MMP24: variants seen among roughly 807,000 people sequenced by gnomAD.
MMP24 encodes the protein matrix metalloproteinase-24.
A neutral mutation model predicts 62.8 loss-of-function variants in MMP24; 25 were observed. That is an observed-to-expected ratio of 0.40 (90% CI 0.29 to 0.56). The LOEUF (loss-of-function observed/expected upper bound fraction) is 0.56, where lower values mean the gene tolerates loss of function less well. Ranked by LOEUF, MMP24 falls within the 20% of genes least tolerant of loss-of-function variation. MMP24 has a pLI of 0.50. For synonymous variants in MMP24, 319 were observed against 350.5 expected, an observed-to-expected ratio of 0.91 and a Z score of 1.00; for missense variants, 634 against 853.6, an observed-to-expected ratio of 0.74 and a Z score of 3.21.
Position 35,274,626 on chromosome 20 carries a change from T to A in MMP24, c.*17T>A. ...TGGGTGTGAGCAGCCCAGAGCCCTC[T>A]CTATCCACTTGGTCTGGCCAGCCAG... On this transcript the variant is annotated 3_prime_UTR_variant, in exon 9 of 9. Coordinates refer to ENST00000246186, the MANE Select transcript of MMP24 (RefSeq NM_006690.4). This position sits in a 1 kb window ranked among gnomAD's most constrained non-coding sequence, Gnocchi z 5.1. 6.4e-7 allele frequency: 1 copy of A among 1,572,940 alleles called. No homozygotes were observed. Among genetic ancestry groups the A allele is most frequent in the South Asian group, 1.2e-5 (1 of 85,870 alleles).
chr20:35,239,788 G>A (rs892520426), intron 1 of MMP24, among the ~76,000 whole-genome samples: 1 of 152,074 alleles, frequency 6.6e-6, no homozygotes, highest in Admixed American at 6.5e-5. Flanking sequence ...GGCTGAGAGC[G>A]AGACCCTGTC....
At chr20:35,239,328 C>G (rs750042990) in intron 1 of MMP24, among the ~76,000 whole-genome samples, 1 of 152,118 alleles carries the variant, frequency 6.6e-6, no homozygotes, top group Non-Finnish European at 1.5e-5. Flanking sequence ...TGAGCCACCA[C>G]GCCTGGCTGT....
At chr20:35,251,069 G>A (rs2146215390) in intron 2 of MMP24, among the ~76,000 whole-genome samples, 1 of 150,990 alleles carries the variant, frequency 6.6e-6, no homozygotes, top group Non-Finnish European at 1.5e-5. Context: ...AATATAATAA[G>A]TGCTGCAGAG....
chr20:35,254,692 T>C lies in MMP24; in HGVS notation c.755T>C (p.Ile252Thr), dbSNP rs748273259. 6.2e-7 allele frequency: 1 copy of C among 1,614,070 alleles called. No homozygotes were observed. Among genetic ancestry groups the C allele is most frequent in the Non-Finnish European group, 8.5e-7 (1 of 1,180,018 alleles). ...LAHAYFPGPG[I>T]GGDTHFDSDE... ...CATGCCTACTTCCCTGGCCCAGGGA[T>C]TGGAGGAGACACCCACTTTGACTCC... is the stretch of plus-strand genomic sequence containing the variant. Residue 252 changes from isoleucine to threonine, a missense_variant, in exon 4 of 9, where the codon ATT (isoleucine) becomes ACT (threonine). By Grantham distance (89) the Ile-to-Thr change is moderately conservative. Around this residue, in one of 3 missense-constraint regions of MMP24, gnomAD observed 23 missense variants for 63.1 expected, o/e 0.36. Transcript: ENST00000246186.
In MMP24 at chr20:35,271,957, A is replaced by C; in HGVS notation, c.1600+122A>C. ...TTTGAAAAAACACCTGGTGGCAGAC[A>C]ACTGCCTCATATCTACCCATGTTCA... On this transcript the variant is annotated intron_variant, in intron 8 of 8. Coordinates refer to ENST00000246186, the MANE Select transcript of MMP24 (RefSeq NM_006690.4). The surrounding 1 kb of genome is among the most constrained non-coding windows in gnomAD (Gnocchi z 4.0). The C allele has an allele frequency of 3.6e-6, 4 of 1,105,780 alleles. No individual in the cohort carries two copies. Among genetic ancestry groups the C allele is most frequent in the Non-Finnish European group, 5.0e-6 (4 of 797,472 alleles). 68.5% of individuals were successfully genotyped at this position (1,105,780 alleles called of 1,614,324 possible).
chr20:35,268,053 G>A (rs1003818085), intron 6 of MMP24: 12 of 153,036 alleles, frequency 7.8e-5, no homozygotes, highest in African/African-American at 2.7e-4. Flanking sequence ...GGAGAAGGAA[G>A]CAGGACAGGG....
chr20:35,231,027 A>G (rs2060435423), intron 1 of MMP24, among the ~76,000 whole-genome samples: 1 of 152,100 alleles, frequency 6.6e-6, no homozygotes, highest in South Asian at 2.1e-4. Flanking sequence ...TATCTTACAC[A>G]TCAAGAGGTC....
intron 4 of MMP24, among the ~76,000 whole-genome samples, chr20:35,257,045 T>C (rs535555865): frequency 3.3e-5 from 5 of 152,290 alleles, no homozygotes; most frequent in Admixed American, 1.3e-4. Flanking sequence ...TGCTCCAGGC[T>C]GAGAGCAGAC....
In MMP24 at chr20:35,276,103, C is replaced by T. The variant is rs532109157; in HGVS notation, c.*1494C>T. ...CGGATGCCACCCCTGCTCACTGAGC[C>T]TGCATGGGCCTTGCCCCCGACCCTG... On this transcript the variant is annotated 3_prime_UTR_variant, in exon 9 of 9. Coordinates refer to ENST00000246186, the MANE Select transcript of MMP24 (RefSeq NM_006690.4). The T allele has an allele frequency of 1.0e-3, 417 of 398,758 alleles. No homozygotes were observed. The highest frequency in any genetic ancestry group is 1.6e-3 in the Non-Finnish European group (361 of 226,156). 24.7% of individuals were successfully genotyped at this position (398,758 alleles called of 1,614,324 possible).
In MMP24 at chr20:35,269,273, T is replaced by G. The variant is rs1044808648; in HGVS notation, c.1195-487T>G. ...AGGTGAGGCCTAGGTCATGCAGCTA[T>G]AAATGGAGGAATGTGAATTCATGCC... On this transcript the variant is annotated intron_variant, in intron 6 of 8. Coordinates refer to ENST00000246186, the MANE Select transcript of MMP24 (RefSeq NM_006690.4). This position sits in a 1 kb window ranked among gnomAD's most constrained non-coding sequence, Gnocchi z 4.6. 7.2e-5 allele frequency among the ~76,000 whole-genome samples: 11 copies of G among 152,204 alleles called. No homozygotes were observed. Among genetic ancestry groups the G allele is most frequent in the Admixed American group, 4.6e-4 (7 of 15,274 alleles).
chr20:35,246,354 G>T (rs957879237), intron 1 of MMP24, among the ~76,000 whole-genome samples: 1 of 151,942 alleles, frequency 6.6e-6, no homozygotes, highest in African/African-American at 2.4e-5. Context: ...GCGTGTGCCT[G>T]TAATCCCAGC....
chr20:35,250,843 T>C (rs1478785370), intron 2 of MMP24, among the ~76,000 whole-genome samples: 1 of 152,150 alleles, frequency 6.6e-6, no homozygotes, highest in Non-Finnish European at 1.5e-5. Flanking sequence ...GGGGGAAGTC[T>C]GCCTGCATGG....
At position 35,246,998 on chromosome 20, in the gene MMP24, C is replaced by A; in HGVS notation, c.395+10C>A. On this transcript the variant is annotated intron_variant, in intron 2 of 8. Coordinates refer to ENST00000246186, the MANE Select transcript of MMP24 (RefSeq NM_006690.4). ...ATCAGACAACGATCGAGTAAGATTT[C>A]CATAGGACATTGTGCCTTTGAACTT... 2 of 1,613,944 alleles carry A rather than the reference C, an allele frequency of 1.2e-6. No homozygotes were observed. The highest frequency in any genetic ancestry group is 1.7e-6 in the Non-Finnish European group (2 of 1,179,836).
chr20:35,240,325 A>T (rs1335705548), intron 1 of MMP24, among the ~76,000 whole-genome samples: 2 of 151,934 alleles, frequency 1.3e-5, no homozygotes, highest in Non-Finnish European at 2.9e-5. Context: ...CATATTGTCT[A>T]TGATCTCTAC....
chr20:35,254,472 G>A lies in MMP24; in HGVS notation c.535G>A (p.Val179Met), dbSNP rs536567190. Residue 179 changes from valine to methionine, a missense_variant, in exon 4 of 9, where the codon GTG becomes ATG. Physicochemically the swap from Val to Met is conservative, Grantham distance 21. Transcript: ENST00000246186. ...TYSIHNYTPK[V>M]GELDTRKAIR... ...CAGCATTCACAACTATACCCCAAAA[G>A]TGGGTGAGCTAGACACGCGGAAAGC... is the stretch of plus-strand genomic sequence containing the variant. 1.9e-6 allele frequency: 3 copies of A among 1,613,952 alleles called. No individual in the cohort carries two copies. The Admixed American group carries it at 5.0e-5, about 27-fold the overall frequency.
chr20:35,268,753 G>A (rs1347863488), intron 6 of MMP24, among the ~76,000 whole-genome samples: 1 of 152,144 alleles, frequency 6.6e-6, no homozygotes, highest in Admixed American at 6.5e-5. Context: ...GAGGCTGGGC[G>A]CAGTGGCTCA....
At chr20:35,266,713 C>G (rs1287487730) in intron 5 of MMP24, among the ~76,000 whole-genome samples, 1 of 152,178 alleles carries the variant, frequency 6.6e-6, no homozygotes, top group East Asian at 1.9e-4. Context: ...CTCTCAGGCC[C>G]CACCCCAGGC....
Position 35,268,855 on chromosome 20 carries a change from A to G in MMP24, c.1195-905A>G, listed in dbSNP as rs184732464. ...ATCCTGGCTAACATGGTGAAACCCCATCTCTACTAAAAATATAAAAAATTA... is the reference window on the plus strand; with the variant it reads ...ATCCTGGCTAACATGGTGAAACCCCGTCTCTACTAAAAATATAAAAAATTA... On this transcript the variant is annotated intron_variant, in intron 6 of 8. Coordinates refer to ENST00000246186, the MANE Select transcript of MMP24 (RefSeq NM_006690.4). Among the ~76,000 whole-genome samples, 1,161 of 152,120 alleles carry G rather than the reference A, an allele frequency of 7.6e-3. 6 individuals are homozygous for G. The highest frequency in any genetic ancestry group is 0.043 in the East Asian group (221 of 5,172).
intron 2 of MMP24, among the ~76,000 whole-genome samples, chr20:35,249,715 A>G (rs1317794841): frequency 1.3e-5 from 2 of 151,560 alleles, no homozygotes; most frequent in South Asian, 2.1e-4. Context: ...CAGCCTCCCA[A>G]GTAGCTGGGA....
Sources: gnomAD v4.1 joint callset for allele counts (sites outside exome capture counted in the v4.1 genomes callset) on GRCh38, gnomAD v4.1.1 for gene constraint, gnomAD v4.1.1 regional missense constraint, Gnocchi (gnomAD v3.1) non-coding constraint, MANE v1.5 for transcripts, NCBI Gene and HGNC (gene_info 2026-07-23, HGNC 2026-07-21) for gene names.